Variants in DIAPH2 observed in about 807,000 individuals in gnomAD.
The protein encoded by DIAPH2 is protein diaphanous homolog 2.
In DIAPH2, 35 loss-of-function variants were observed where a neutral mutation model predicts 92.7. The ratio of observed to expected loss-of-function variants is 0.38; its 90% confidence interval spans 0.29 to 0.50. The LOEUF is 0.50. DIAPH2 is among the 20% of genes least tolerant of loss of function. The pLI is 0.94. For synonymous variants in DIAPH2, 301 were observed against 280.4 expected, an observed-to-expected ratio of 1.07 and a Z score of -0.73; for missense variants, 701 against 819.5, an observed-to-expected ratio of 0.86 and a Z score of 1.77.
intron 23 of DIAPH2, among the ~76,000 whole-genome samples, chrX:97,266,133 T>C (rs190592331): frequency 5.4e-5 from 6 of 112,009 alleles, no homozygotes; most frequent in Admixed American, 1.9e-4. Flanking sequence ...TTTATTCTGA[T>C]TGACCCTTTG....
chrX:97,335,092 C>T (rs1018082395), intron 23 of DIAPH2, among the ~76,000 whole-genome samples: 12 of 106,309 alleles, frequency 1.1e-4, no homozygotes, highest in African/African-American at 4.1e-4. Flanking sequence ...ATCTAGATGG[C>T]GATGAAAAAG....
At chrX:97,523,548 C>T (rs182362608) in intron 26 of DIAPH2, among the ~76,000 whole-genome samples, 2 of 111,632 alleles carry the variant, frequency 1.8e-5, no homozygotes, top group Admixed American at 1.9e-4. Flanking sequence ...TCTGCTTCCA[C>T]GACTACCAGG....
In DIAPH2 at chrX:97,293,634, T is replaced by C. The variant is rs187906574; in HGVS notation, c.2844+45795T>C. Among the ~76,000 whole-genome samples the C allele has an allele frequency of 1.9e-4, 21 of 112,207 alleles. No individual in the cohort carries two copies. The East Asian group carries it at 5.8e-3, about 31-fold the overall frequency. On this transcript the variant is annotated intron_variant, in intron 23 of 26. Transcript: ENST00000324765. ...TGAAGGCCTTGTCTTTTATAATAGATATAACAAGTAAATTTAGGAACTTTA... is the reference window on the plus strand; with the variant it reads ...TGAAGGCCTTGTCTTTTATAATAGACATAACAAGTAAATTTAGGAACTTTA...
At chrX:96,895,664 G>A (rs1012717776) in intron 5 of DIAPH2, among the ~76,000 whole-genome samples, 13 of 111,855 alleles carry the variant, frequency 1.2e-4, no homozygotes, top group Non-Finnish European at 2.3e-4. Context: ...TATCTAAATG[G>A]CTTTTACATT....
intron 22 of DIAPH2, among the ~76,000 whole-genome samples, chrX:97,230,455 C>T (rs1310928994): frequency 1.8e-5 from 2 of 112,081 alleles, no homozygotes; most frequent in Non-Finnish European, 3.8e-5. Context: ...TGGCTCCATC[C>T]TCCTGCCAAG....
At chrX:97,147,109 A>C (rs770510063) in intron 22 of DIAPH2, among the ~76,000 whole-genome samples, 1 of 111,534 alleles carries the variant, frequency 9.0e-6, no homozygotes, top group East Asian at 2.8e-4. Flanking sequence ...CCTTTTAAAC[A>C]TTGTCATAGG....
At chrX:96,933,571 T>C (rs2065635652) in intron 10 of DIAPH2, among the ~76,000 whole-genome samples, 1 of 104,491 alleles carries the variant, frequency 9.6e-6, no homozygotes, top group African/African-American at 3.5e-5. Context: ...TATATATATA[T>C]ATATTTATAT....
chrX:97,245,475 G>C (rs2068133948), intron 22 of DIAPH2, among the ~76,000 whole-genome samples: 1 of 110,666 alleles, frequency 9.0e-6, no homozygotes, highest in Non-Finnish European at 1.9e-5. Context: ...GTCTAGCTAT[G>C]TTGCTTAGGC....
At chrX:96,759,587 T>G (rs968361334) in intron 4 of DIAPH2, among the ~76,000 whole-genome samples, 1 of 111,901 alleles carries the variant, frequency 8.9e-6, no homozygotes, top group African/African-American at 3.2e-5. Flanking sequence ...AAATGCAGGA[T>G]GTACATTCAA....
intron 16 of DIAPH2, among the ~76,000 whole-genome samples, chrX:96,959,761 A>C (rs1331380324): frequency 9.0e-6 from 1 of 111,548 alleles, no homozygotes; most frequent in Non-Finnish European, 1.9e-5. Context: ...TCTTATGCTT[A>C]AGTCTTTAAT....
chrX:97,033,692 T>A (rs769293102), intron 17 of DIAPH2, among the ~76,000 whole-genome samples: 9 of 112,177 alleles, frequency 8.0e-5, no homozygotes, highest in Non-Finnish European at 1.7e-4. Flanking sequence ...CAGGATAAGT[T>A]ACTTTGTGGT....
At chrX:97,295,596 A>G (rs1216899381) in intron 23 of DIAPH2, among the ~76,000 whole-genome samples, 1 of 111,752 alleles carries the variant, frequency 8.9e-6, no homozygotes, top group Non-Finnish European at 1.9e-5. Flanking sequence ...GGCACAGAGA[A>G]ATTAGGGACC....
At chrX:97,484,705 T>G (rs1311309824) in intron 26 of DIAPH2, among the ~76,000 whole-genome samples, 1 of 111,401 alleles carries the variant, frequency 9.0e-6, no homozygotes, top group African/African-American at 3.3e-5. Flanking sequence ...GAGACCATCC[T>G]GGCTAACACG....
chrX:97,109,924 C>T (rs2066967659), intron 20 of DIAPH2, among the ~76,000 whole-genome samples: 2 of 111,402 alleles, frequency 1.8e-5, no homozygotes, highest in African/African-American at 6.5e-5. Context: ...AACTTTGAAC[C>T]CCTTACAGTA....
intron 4 of DIAPH2, among the ~76,000 whole-genome samples, chrX:96,870,238 A>G (rs982716349): frequency 9.0e-6 from 1 of 110,723 alleles, no homozygotes; most frequent in Non-Finnish European, 1.9e-5. Context: ...TGTTTTTGCT[A>G]TAGAAGTTTA....
At chrX:96,903,925 C>T (rs2065415969) in intron 5 of DIAPH2, among the ~76,000 whole-genome samples, 1 of 112,176 alleles carries the variant, frequency 8.9e-6, no homozygotes. Flanking sequence ...TTTACTTATA[C>T]TGTTGCCCTC....
Position 97,175,111 on chromosome X carries a change from T to G in DIAPH2, c.2719+33317T>G, listed in dbSNP as rs764132887. ...TGTTGTTCATGCCCATACTGCTAGC[T>G]AAGACAGTCATGTGCATACTGCATT... On this transcript the variant is annotated intron_variant, in intron 22 of 26. Transcript: ENST00000324765. Among the ~76,000 whole-genome samples, 47 of 112,024 alleles carry G rather than the reference T, an allele frequency of 4.2e-4. No individual in the cohort carries two copies. The East Asian group carries it at 0.013, about 31-fold the overall frequency.
intron 4 of DIAPH2, among the ~76,000 whole-genome samples, chrX:96,812,926 G>A (rs1569402484): frequency 8.9e-6 from 1 of 111,748 alleles, no homozygotes; most frequent in East Asian, 2.8e-4. Flanking sequence ...TTGCTGAGGA[G>A]TGCTTTACTT....
chrX:96,740,842 C>G (rs773052822), intron 3 of DIAPH2, among the ~76,000 whole-genome samples: 1 of 111,259 alleles, frequency 9.0e-6, no homozygotes, highest in South Asian at 3.8e-4. Flanking sequence ...TTTATGTTTT[C>G]AGAGAATCAG....
Sources: allele counts gnomAD v4.1 joint callset (sites outside exome capture counted in the v4.1 genomes callset), GRCh38; gene constraint gnomAD v4.1.1; transcripts MANE v1.5; gene names NCBI Gene and HGNC (gene_info 2026-07-23, HGNC 2026-07-21).